Variants in ZSCAN23 observed in about 807,000 individuals in gnomAD.
ZSCAN23 encodes zinc finger and SCAN domain-containing protein 23.
A neutral mutation model predicts 19.3 loss-of-function variants in ZSCAN23; 19 were observed. The ratio of observed to expected loss-of-function variants is 0.99; its 90% CI spans 0.69 to 1.45. ZSCAN23 has a LOEUF of 1.45. ZSCAN23 is among the 40% of genes most tolerant of loss of function. ZSCAN23 has a pLI of 0.00. For synonymous variants in ZSCAN23, 140 were observed against 166.2 expected (o/e 0.84, Z 1.21); for missense variants, 372 against 462.5 (o/e 0.80, Z 1.79).
the ZSCAN23 span, among the ~76,000 whole-genome samples, chr6:28,422,788 A>C: frequency 6.6e-6 from 1 of 152,244 alleles, no homozygotes; most frequent in Middle Eastern, 3.2e-3. The surrounding 1 kb of genome is among the most constrained non-coding windows in gnomAD (Gnocchi z 4.0). Flanking sequence ...TTAGAGGAAC[A>C]GGTTAAAAGT....
chr6:28,433,750 C>T lies in ZSCAN23; in HGVS notation c.*715G>A, dbSNP rs1055743770. On this transcript the variant is annotated 3_prime_UTR_variant, in exon 4 of 4. Transcript: ENST00000289788. ...ACAAAAAAATGCTCATTATATGTTA[C>T]GGGAAAAATACAAAGAGGCCTGTAT... 6.6e-5 allele frequency: 10 copies of T among 151,858 alleles called. No individual in the cohort carries two copies. Among genetic ancestry groups the T allele is most frequent in the South Asian group, 2.1e-4 (1 of 4,812 alleles). The allele number at this position is 151,858 out of a possible 1,614,324, so 9.4% of individuals were successfully genotyped here.
At chr6:28,429,297 T>C (rs1284597953), downstream of ZSCAN23, among the ~76,000 whole-genome samples, 1 of 152,248 alleles carries the variant, frequency 6.6e-6, no homozygotes, top group East Asian at 1.9e-4. Context: ...TGGCCCATTA[T>C]GTGGCACTCA....
intron 1 of ZSCAN23, among the ~76,000 whole-genome samples, chr6:28,437,724 T>C (rs1761922055): frequency 6.6e-6 from 1 of 152,186 alleles, no homozygotes; most frequent in African/African-American, 2.4e-5. Flanking sequence ...CTTTCAAACT[T>C]TTTTGACCAG....
Position 28,434,183 on chromosome 6 carries a change from A to C in ZSCAN23, c.*282T>G. ...AAACTTTTAAAAAAAGTTTTTAAAAACTAGGATGAAGAAGTTTTCCTGAAA... is the reference window on the plus strand; with the variant it reads ...AAACTTTTAAAAAAAGTTTTTAAAACCTAGGATGAAGAAGTTTTCCTGAAA... On this transcript the variant is annotated 3_prime_UTR_variant, in exon 4 of 4. Transcript: ENST00000289788. 3.3e-6 allele frequency: 1 copy of C among 304,956 alleles called. No homozygotes were observed. The highest frequency in any genetic ancestry group is 2.1e-5 in the African/African-American group (1 of 46,724). 18.9% of individuals were successfully genotyped at this position (304,956 alleles called of 1,614,324 possible).
intron 1 of ZSCAN23, among the ~76,000 whole-genome samples, chr6:28,442,576 G>A (rs1294997309): frequency 6.6e-6 from 1 of 152,210 alleles, no homozygotes; most frequent in Non-Finnish European, 1.5e-5. Context: ...CTAACTAGAA[G>A]CCCAGGACTA....
the ZSCAN23 span, among the ~76,000 whole-genome samples, chr6:28,422,043 A>C: frequency 2.0e-5 from 3 of 152,096 alleles, no homozygotes; most frequent in Non-Finnish European, 4.4e-5. The surrounding 1 kb of genome is among the most constrained non-coding windows in gnomAD (Gnocchi z 4.0). Context: ...TTGAAAGACT[A>C]TGCTAGCTCA....
chr6:28,431,457 G>A (rs896969365), downstream of ZSCAN23, among the ~76,000 whole-genome samples: 2 of 152,132 alleles, frequency 1.3e-5, no homozygotes, highest in Non-Finnish European at 2.9e-5. Flanking sequence ...TATGTGTGTG[G>A]ACCACTAATA....
downstream of ZSCAN23, among the ~76,000 whole-genome samples, chr6:28,427,222 T>C (rs1165807238): frequency 6.6e-6 from 1 of 152,228 alleles, no homozygotes; most frequent in African/African-American, 2.4e-5. Context: ...TCAATCCTTT[T>C]CCTACCAGAT....
At chr6:28,440,523 A>G (rs1375225475) in intron 1 of ZSCAN23, among the ~76,000 whole-genome samples, 1 of 152,034 alleles carries the variant, frequency 6.6e-6, no homozygotes, top group Non-Finnish European at 1.5e-5. Context: ...TTGTGGTAGA[A>G]ATATCAAATA....
chr6:28,439,789 G>C (rs1761966307), intron 1 of ZSCAN23, among the ~76,000 whole-genome samples: 1 of 152,138 alleles, frequency 6.6e-6, no homozygotes, highest in African/African-American at 2.4e-5. Flanking sequence ...CTAGTCCAAA[G>C]TTCAAGTCAG....
chr6:28,434,258 T>A lies in ZSCAN23; in HGVS notation c.*207A>T, dbSNP rs564013763. ...TGTGAAACTAGGTCTACAGCATACA[T>A]GATGAAATCAACACAAGAGGCAACA... On this transcript the variant is annotated 3_prime_UTR_variant, in exon 4 of 4. Transcript: ENST00000289788. The A allele has an allele frequency of 1.8e-6, 1 of 542,310 alleles. No individual in the cohort carries two copies. Among genetic ancestry groups the A allele is most frequent in the South Asian group, 3.7e-5 (1 of 26,914 alleles). The allele number at this position is 542,310 out of a possible 1,614,324, so 33.6% of individuals were successfully genotyped here.
the ZSCAN23 span, among the ~76,000 whole-genome samples, chr6:28,424,679 A>G: frequency 6.6e-6 from 1 of 152,244 alleles, no homozygotes; most frequent in Non-Finnish European, 1.5e-5. Context: ...ATCCATAAGA[A>G]GCAACTTCTC....
chr6:28,436,222 T>A lies in ZSCAN23; in HGVS notation c.45A>T (p.Gly15=), dbSNP rs566227995. Reference sequence around the variant, plus strand: ...CCTCCTTTACCTTCACTGCCAGAAGTCCTTCCTGCATCTCTGCAGTCTGAA... The same window carrying A: ...CCTCCTTTACCTTCACTGCCAGAAGACCTTCCTGCATCTCTGCAGTCTGAA... The part of the protein sequence containing the change: ...LTLQTAEMQE[G]LLAVKVKEEE... The change falls in exon 2 of 4, where the codon GGA becomes GGT. Residue 15 remains glycine, a synonymous_variant. Transcript: ENST00000289788. 297 of 1,552,140 alleles carry A rather than the reference T, an allele frequency of 1.9e-4. 4 individuals carry two copies. The South Asian group carries it at 3.4e-3, about 18-fold the overall frequency.
chr6:28,426,645 GA>G, the ZSCAN23 span, among the ~76,000 whole-genome samples: 45 of 152,336 alleles, frequency 3.0e-4, 1 homozygote, highest in Non-Finnish European at 5.6e-4. Flanking sequence ...CATGATGTTG[GA>G]AAAATGGTGT....
intron 1 of ZSCAN23, 56 bp from the exon 2 acceptor site, chr6:28,436,399 G>GGAGGGACAAA: frequency 1.1e-6 from 1 of 895,528 alleles, no homozygotes; most frequent in Non-Finnish European, 1.6e-6. Flanking sequence ...CTCAGGACAA[G>GGAGGGACAAA]GAGGGACTGG....
intron 1 of ZSCAN23, among the ~76,000 whole-genome samples, chr6:28,438,152 A>G (rs1761930393): frequency 6.6e-6 from 1 of 152,018 alleles, no homozygotes; most frequent in African/African-American, 2.4e-5. Context: ...GCTGGAGTAC[A>G]GTGGCACAAT....
chr6:28,442,645 T>G (rs1216912841), intron 1 of ZSCAN23, among the ~76,000 whole-genome samples: 1 of 152,254 alleles, frequency 6.6e-6, no homozygotes, highest in Non-Finnish European at 1.5e-5. Context: ...GGGTTATAGC[T>G]GTAAAGCTAA....
At chr6:28,422,075 T>A in the ZSCAN23 span, among the ~76,000 whole-genome samples, 1 of 152,056 alleles carries the variant, frequency 6.6e-6, no homozygotes, top group Admixed American at 6.6e-5. This position sits in a 1 kb window ranked among gnomAD's most constrained non-coding sequence, Gnocchi z 4.0. Context: ...AAATTATATA[T>A]ATATAAAAGC....
chr6:28,421,947 C>T, the ZSCAN23 span, among the ~76,000 whole-genome samples: 1 of 152,090 alleles, frequency 6.6e-6, no homozygotes, highest in Non-Finnish European at 1.5e-5. Flanking sequence ...TAAGGAATTA[C>T]TGTTAATTGT....
Sources: allele counts gnomAD v4.1 joint callset (sites outside exome capture counted in the v4.1 genomes callset), GRCh38; gene constraint gnomAD v4.1.1; non-coding constraint Gnocchi (gnomAD v3.1); transcripts MANE v1.5; gene names NCBI Gene and HGNC (gene_info 2026-07-23, HGNC 2026-07-21).